The following HHLA1 variants were observed in gnomAD, a reference collection of about 807,000 sequenced individuals.
HHLA1 encodes HHLA1 neighbor of OC90, also known as HERV-H LTR-associating protein 1.
Under a neutral mutation model 69.9 loss-of-function variants are expected in HHLA1, and 72 were observed. That is an observed-to-expected ratio of 1.03 (90% CI 0.85 to 1.25). The LOEUF (loss-of-function observed/expected upper bound fraction) is 1.25, where lower values mean the gene tolerates loss of function less well. HHLA1 is among the 50% of genes most tolerant of loss of function. The probability of loss-of-function intolerance (pLI) is 0.00; values close to 1 mark genes in which losing one functional copy is unlikely to be tolerated. For missense variants in HHLA1, 685 were observed against 642.2 expected (o/e 1.07, Z -0.72); for synonymous variants, 252 against 233.2 (o/e 1.08, Z -0.73).
chr8:132,075,377 G>C (rs898685311), intron 14 of HHLA1, among the ~76,000 whole-genome samples: 1 of 152,130 alleles, frequency 6.6e-6, no homozygotes, highest in Non-Finnish European at 1.5e-5. Flanking sequence ...ATGGAATCTG[G>C]CTCAACAGAA....
At position 132,076,521 on chromosome 8, in the gene HHLA1, C is replaced by T. The variant is rs1384554128; in HGVS notation, c.1194G>A (p.Gln398=). 2.7e-6 allele frequency: 4 copies of T among 1,482,616 alleles called. No individual in the cohort carries two copies. Among genetic ancestry groups the T allele is most frequent in the African/African-American group, 1.4e-5 (1 of 69,650 alleles). 91.8% of individuals were successfully genotyped at this position (1,482,616 alleles called of 1,614,324 possible). A position where few individuals can be genotyped will look rare whatever the true frequency, so the allele number is the denominator to read the frequency against. Residue 398 remains glutamine, a synonymous_variant, in exon 13 of 17, where the codon CAG becomes CAA. Coordinates refer to ENST00000414222, the MANE Select transcript of HHLA1 (RefSeq NM_001145095.3). Reference sequence around the variant, plus strand: ...CTGTTGCCTTGGTTGGACTCGGAGTCTGTGTGCCATGGGTGAATGCTCCTG... The same window carrying T: ...CTGTTGCCTTGGTTGGACTCGGAGTTTGTGTGCCATGGGTGAATGCTCCTG... ...PTLGAFTHGT[Q]TPSPTKATAP...
chr8:132,081,067 G>A (rs1398343262), intron 10 of HHLA1: 4 of 152,144 alleles, frequency 2.6e-5, no homozygotes, highest in Non-Finnish European at 4.4e-5. Context: ...GCATAGTCCT[G>A]CCAGCAAAGA....
chr8:132,097,554 T>C (rs530252786), intron 5 of HHLA1, among the ~76,000 whole-genome samples: 2 of 152,354 alleles, frequency 1.3e-5, no homozygotes, highest in East Asian at 1.9e-4. Flanking sequence ...TTTGAGTTTC[T>C]GCAAAATTTC....
intron 3 of HHLA1, 47 bp from the exon 4 acceptor site, chr8:132,100,181 C>T: frequency 7.2e-7 from 1 of 1,385,648 alleles, no homozygotes; most frequent in Non-Finnish European, 1.0e-6. Context: ...TGGTCCAGTT[C>T]CTACCCCCAG....
intron 7 of HHLA1, among the ~76,000 whole-genome samples, chr8:132,094,768 G>A (rs891282466): frequency 6.6e-6 from 1 of 152,164 alleles, no homozygotes; most frequent in Non-Finnish European, 1.5e-5. Flanking sequence ...AGGAATCTAT[G>A]TCCCACGGGA....
Position 132,061,738 on chromosome 8 carries a change from G to A in HHLA1, c.*2257C>T, listed in dbSNP as rs897140827. On this transcript the variant is annotated 3_prime_UTR_variant, in exon 17 of 17. Transcript: ENST00000414222. ...ACCTCTTATGAACTCCAGGAGACCAGTTGGACTCCAGGCAGTCGTCAGCCA... is the reference window on the plus strand; with the variant it reads ...ACCTCTTATGAACTCCAGGAGACCAATTGGACTCCAGGCAGTCGTCAGCCA... 3.3e-5 allele frequency: 5 copies of A among 152,174 alleles called. No individual in the cohort carries two copies. The highest frequency in any genetic ancestry group is 4.8e-5 in the African/African-American group (2 of 41,424). 9.4% of individuals were successfully genotyped at this position (152,174 alleles called of 1,614,324 possible).
chr8:132,065,743 C>T, intron 16 of HHLA1, 143 bp downstream of exon 16: 1 of 383,496 alleles, frequency 2.6e-6, no homozygotes, highest in South Asian at 2.1e-5. Flanking sequence ...TAAGAAAAAT[C>T]CTAGGTGCTC....
Position 132,081,325 on chromosome 8 carries a change from G to T in HHLA1, c.677-1359C>A, listed in dbSNP as rs1038628919. On this transcript the variant is annotated intron_variant, in intron 10 of 16. Coordinates refer to ENST00000414222, the MANE Select transcript of HHLA1 (RefSeq NM_001145095.3). Reference sequence around the variant, plus strand: ...GAAGCATCTATACAGGAGCCTAAATGGGCTGTACCCTGTAGCATTCCGAGG... The same window carrying T: ...GAAGCATCTATACAGGAGCCTAAATTGGCTGTACCCTGTAGCATTCCGAGG... Among the ~76,000 whole-genome samples the T allele has an allele frequency of 2.6e-5, 4 of 152,178 alleles. No homozygotes were observed. The South Asian group carries it at 8.3e-4, about 32-fold the overall frequency.
intron 5 of HHLA1, 42 bp from the exon 6 acceptor site, chr8:132,095,828 T>C: frequency 8.0e-7 from 1 of 1,247,000 alleles, no homozygotes; most frequent in Non-Finnish European, 1.1e-6. Context: ...AGATGCCTAC[T>C]AACGTAACAA....
rs911766937 is a variant in HHLA1, at chr8:132,074,597, G to T, written c.1315+1458C>A. 2.0e-5 allele frequency among the ~76,000 whole-genome samples: 3 copies of T among 151,396 alleles called. No individual in the cohort carries two copies. In the South Asian group the frequency reaches 6.3e-4, roughly 32 times the overall value. ...ATGAGTGGATGCCAAATACTTTGTG[G>T]CATGATTTTTTTTTTGGATGAGCAG... On this transcript the variant is annotated intron_variant, in intron 14 of 16. Transcript: ENST00000414222.
At chr8:132,095,891 C>A in intron 5 of HHLA1, 105 bp from the exon 6 acceptor site, 2 of 605,884 alleles carry the variant, frequency 3.3e-6, no homozygotes, top group South Asian at 3.0e-5. Flanking sequence ...ATAAAGAAAC[C>A]AATGATGAAA....
In HHLA1 at chr8:132,076,469, T is replaced by C; in HGVS notation, c.1240+6A>G. 1 of 1,527,516 alleles carries C rather than the reference T, an allele frequency of 6.5e-7. No individual in the cohort carries two copies. The highest frequency in any genetic ancestry group is 8.9e-7 in the Non-Finnish European group (1 of 1,129,508). The allele number at this position is 1,527,516 out of a possible 1,614,324, so 94.6% of individuals were successfully genotyped here. A position where few individuals can be genotyped will look rare whatever the true frequency, so the allele number is the denominator to read the frequency against. On this transcript the variant is annotated splice_donor_region_variant and intron_variant, in intron 13 of 16. Coordinates refer to ENST00000414222, the MANE Select transcript of HHLA1 (RefSeq NM_001145095.3). The stretch of plus-strand genomic sequence containing the variant: ...CAAACCCCCACTTCCGTACTGAGTT[T>C]CTCACCTGTTTGTGGATATCTGGGG...
chr8:132,090,264 T>C (rs532823228), intron 7 of HHLA1, among the ~76,000 whole-genome samples: 4 of 152,350 alleles, frequency 2.6e-5, no homozygotes, highest in South Asian at 2.1e-4. Context: ...GTGGGCACTA[T>C]TGACTGTGAA....
chr8:132,104,360 A>G (rs1001328738), intron 2 of HHLA1, among the ~76,000 whole-genome samples, 193 bp from the exon 3 acceptor site: 2 of 152,162 alleles, frequency 1.3e-5, no homozygotes, highest in Non-Finnish European at 2.9e-5. Flanking sequence ...ACTACTAATG[A>G]TGGATGGTGC....
intron 3 of HHLA1, among the ~76,000 whole-genome samples, chr8:132,102,742 C>G (rs1824130524): frequency 6.6e-6 from 1 of 150,872 alleles, no homozygotes; most frequent in Admixed American, 6.6e-5. Flanking sequence ...GATTCCTACA[C>G]CTTTCCAGCC....
chr8:132,101,205 T>A (rs1824105473), intron 3 of HHLA1: 1 of 1,549,958 alleles, frequency 6.5e-7, no homozygotes, highest in African/African-American at 1.4e-5. Flanking sequence ...CATTACAGAG[T>A]AAGTCAGGAT....
At chr8:132,079,007 G>A (rs181814177) in intron 11 of HHLA1, among the ~76,000 whole-genome samples, 1 of 152,294 alleles carries the variant, frequency 6.6e-6, no homozygotes, top group Admixed American at 6.5e-5. Flanking sequence ...CCATGTTGGT[G>A]TGCTGCACCC....
At position 132,103,932 on chromosome 8, in the gene HHLA1, A is replaced by G. The variant is rs576830818; in HGVS notation, c.139+176T>C. On this transcript the variant is annotated intron_variant, in intron 3 of 16. Coordinates refer to ENST00000414222, the MANE Select transcript of HHLA1 (RefSeq NM_001145095.3). ...GTCTTTGTGGATTTATTAAGATCACAAGGATTCAATGAACCATAAAGAAAT... is the reference window on the plus strand; with the variant it reads ...GTCTTTGTGGATTTATTAAGATCACGAGGATTCAATGAACCATAAAGAAAT... 1.5e-4 allele frequency: 84 copies of G among 565,972 alleles called. No homozygotes were observed. The South Asian group carries it at 2.2e-3, about 15-fold the overall frequency. The allele number at this position is 565,972 out of a possible 1,614,324, so 35.1% of individuals were successfully genotyped here. A position where few individuals can be genotyped will look rare whatever the true frequency, so the allele number is the denominator to read the frequency against.
Position 132,096,965 on chromosome 8 carries a change from G to A in HHLA1, c.281-1179C>T, listed in dbSNP as rs115142609. Among the ~76,000 whole-genome samples, 1,441 of 152,226 alleles carry A rather than the reference G, an allele frequency of 9.5e-3. 22 individuals carry two copies. Among genetic ancestry groups the A allele is most frequent in the African/African-American group, 0.032 (1,332 of 41,526 alleles). ...GCTGGGATTATAGGCATGACCCACT[G>A]TGCCCGGTCTCAGGTGATTTTTATT... On this transcript the variant is annotated intron_variant, in intron 5 of 16. Coordinates refer to ENST00000414222, the MANE Select transcript of HHLA1 (RefSeq NM_001145095.3).
Sources: gnomAD v4.1 joint callset for allele counts (sites outside exome capture counted in the v4.1 genomes callset) on GRCh38, gnomAD v4.1.1 for gene constraint, MANE v1.5 for transcripts, NCBI Gene and HGNC (gene_info 2026-07-23, HGNC 2026-07-21) for gene names.